Variants in SHANK2 observed in about 807,000 individuals in gnomAD.
SHANK2 encodes SH3 and multiple ankyrin repeat domains protein 2.
SHANK2 carries 43 observed loss-of-function variants against 133.7 expected under a neutral mutation model. The ratio of observed to expected loss-of-function variants is 0.32; its 90% CI spans 0.25 to 0.41. The LOEUF (loss-of-function observed/expected upper bound fraction) is 0.41. SHANK2 is among the 10% of genes least tolerant of loss of function. The probability of loss-of-function intolerance (pLI) is 1.00; values close to 1 mark genes in which losing one functional copy is unlikely to be tolerated. For synonymous variants in SHANK2, 1,017 were observed against 952.8 expected (o/e 1.07, Z -1.24); for missense variants, 1,994 against 2,235.8 (o/e 0.89, Z 2.18).
At chr11:71,079,557 G>T (rs1024954139) in intron 8 of SHANK2, among the ~76,000 whole-genome samples, 62 of 151,926 alleles carry the variant, frequency 4.1e-4, no homozygotes, top group Non-Finnish European at 8.2e-4. Context: ...TCAGGAGATC[G>T]AGACCATCCT....
intron 8 of SHANK2, among the ~76,000 whole-genome samples, chr11:71,085,582 A>ACATAT (rs1951371506): frequency 1.1e-3 from 39 of 34,934 alleles, no homozygotes; most frequent in South Asian, 2.4e-3. Flanking sequence ...ATATTATATA[A>ACATAT]TATATTATAT....
At chr11:71,101,219 C>A (rs1951711886) in intron 6 of SHANK2, among the ~76,000 whole-genome samples, 1 of 152,182 alleles carries the variant, frequency 6.6e-6, no homozygotes, top group Admixed American at 6.5e-5. Flanking sequence ...TGTCCCCGAC[C>A]CCAAGACAGG....
In SHANK2 at chr11:70,915,876, C is replaced by T. The variant is rs181557362; in HGVS notation, c.1108-19309G>A. On this transcript the variant is annotated intron_variant, in intron 10 of 25. Coordinates refer to ENST00000601538, the MANE Select transcript of SHANK2 (RefSeq NM_012309.5). ...GACTTATGACACTCAGGCACAACATCATTTTTTTCTCATTCTAAACACTGT... is the reference window on the plus strand; with the variant it reads ...GACTTATGACACTCAGGCACAACATTATTTTTTTCTCATTCTAAACACTGT... 3.5e-4 allele frequency among the ~76,000 whole-genome samples: 54 copies of T among 152,296 alleles called. 1 individual carries two copies. In the East Asian group the frequency reaches 5.2e-3, roughly 15 times the overall value.
intron 6 of SHANK2, among the ~76,000 whole-genome samples, chr11:71,099,808 T>C (rs1555096312): frequency 6.6e-6 from 1 of 152,192 alleles, no homozygotes; most frequent in Non-Finnish European, 1.5e-5. Flanking sequence ...ATTGCAGCAC[T>C]TTGGGAGCCA....
intron 20 of SHANK2, among the ~76,000 whole-genome samples, chr11:70,501,277 A>G (rs1343153277): frequency 1.3e-5 from 2 of 152,142 alleles, no homozygotes; most frequent in African/African-American, 4.8e-5. Flanking sequence ...CCGAGGAAGG[A>G]TGACATCACT....
intron 17 of SHANK2, among the ~76,000 whole-genome samples, chr11:70,592,374 G>A (rs1212953605): frequency 6.6e-6 from 1 of 152,218 alleles, no homozygotes; most frequent in African/African-American, 2.4e-5. Flanking sequence ...CTCGGAGTGA[G>A]AGGCAGGACT....
intron 2 of SHANK2, among the ~76,000 whole-genome samples, chr11:71,148,845 T>G (rs1952705845): frequency 6.6e-6 from 1 of 152,186 alleles, no homozygotes; most frequent in Non-Finnish European, 1.5e-5. Context: ...AGATAAAGGC[T>G]GGAAAGATGC....
chr11:71,175,512 C>G lies in SHANK2; in HGVS notation c.-12-28174G>C. Among the ~76,000 whole-genome samples, 1 of 135,992 alleles carries G rather than the reference C, an allele frequency of 7.4e-6. No individual in the cohort carries two copies. Among genetic ancestry groups the G allele is most frequent in the Non-Finnish European group, 1.5e-5 (1 of 65,562 alleles). 89.2% of individuals were successfully genotyped at this position (135,992 alleles called of 152,430 possible). ...AGTGGGGACAAAAAAGGCAGAGGGG[C>G]AGAAACAGACAGACAGACAGACAGA... On this transcript the variant is annotated intron_variant, in intron 2 of 25. Coordinates refer to ENST00000601538, the MANE Select transcript of SHANK2 (RefSeq NM_012309.5). The surrounding 1 kb of genome is among the most constrained non-coding windows in gnomAD (Gnocchi z 4.2).
intron 10 of SHANK2, among the ~76,000 whole-genome samples, chr11:70,948,617 C>T (rs940661583): frequency 6.6e-6 from 1 of 152,220 alleles, no homozygotes; most frequent in Non-Finnish European, 1.5e-5. Flanking sequence ...CAACTGCGTG[C>T]CCTCAGCAGG....
In SHANK2 at chr11:70,544,631, C is replaced by T. The variant is rs181891718; in HGVS notation, c.2062-41700G>A. On this transcript the variant is annotated intron_variant, in intron 17 of 25. Coordinates refer to ENST00000601538, the MANE Select transcript of SHANK2 (RefSeq NM_012309.5). ...CCCATCCCAACACCCCCTCCCTGGC[C>T]TGGACCAGCAGATGGACTTGGGACC... 1.7e-3 allele frequency among the ~76,000 whole-genome samples: 253 copies of T among 152,364 alleles called. 1 individual carries two copies. The highest frequency in any genetic ancestry group is 5.7e-3 in the African/African-American group (238 of 41,588).
chr11:71,068,967 C>T (rs1270193573), intron 9 of SHANK2, among the ~76,000 whole-genome samples: 1 of 151,350 alleles, frequency 6.6e-6, no homozygotes, highest in African/African-American at 2.4e-5. Context: ...ACCATGACCA[C>T]CCTCACCACC....
intron 2 of SHANK2, among the ~76,000 whole-genome samples, chr11:71,152,935 A>C (rs1952825208): frequency 6.6e-6 from 1 of 152,218 alleles, no homozygotes; most frequent in Non-Finnish European, 1.5e-5. Context: ...CAGAAGGCGC[A>C]AGTCCCATCT....
chr11:71,091,124 A>C (rs575229177), intron 8 of SHANK2, among the ~76,000 whole-genome samples: 14 of 152,354 alleles, frequency 9.2e-5, no homozygotes, highest in African/African-American at 3.1e-4. Context: ...TTTCATAAAG[A>C]AAAGCACAAT....
At chr11:70,727,459 G>A (rs1329211213) in intron 14 of SHANK2, among the ~76,000 whole-genome samples, 2 of 152,214 alleles carry the variant, frequency 1.3e-5, no homozygotes, top group Non-Finnish European at 2.9e-5. Flanking sequence ...TGGCAACTAA[G>A]GTGGTAGGTA....
intron 17 of SHANK2, among the ~76,000 whole-genome samples, chr11:70,558,181 AG>A (rs1176352839): frequency 6.6e-6 from 1 of 152,066 alleles, no homozygotes; most frequent in Non-Finnish European, 1.5e-5. Context: ...GAGGTGTGCG[AG>A]GGGGAGCCCC....
intron 9 of SHANK2, among the ~76,000 whole-genome samples, chr11:71,061,927 C>T (rs947155710): frequency 4.6e-5 from 7 of 152,072 alleles, no homozygotes; most frequent in Non-Finnish European, 1.0e-4. Flanking sequence ...TCAAATCACC[C>T]CCAGTGGGAT....
At chr11:70,594,712 G>A (rs2060374185) in intron 17 of SHANK2, among the ~76,000 whole-genome samples, 1 of 152,150 alleles carries the variant, frequency 6.6e-6, no homozygotes, top group Non-Finnish European at 1.5e-5. Context: ...CGTGAACCTC[G>A]AAATGTCACT....
chr11:71,223,279 C>T (rs976888317), intron 2 of SHANK2, among the ~76,000 whole-genome samples: 13 of 152,296 alleles, frequency 8.5e-5, no homozygotes, highest in Non-Finnish European at 1.6e-4. Context: ...CGTTTAGGAC[C>T]CCAGGGTGTG....
chr11:70,503,259 T>C (rs990820756), intron 17 of SHANK2, among the ~76,000 whole-genome samples: 2 of 152,102 alleles, frequency 1.3e-5, no homozygotes, highest in Non-Finnish European at 2.9e-5. Context: ...GTGCTTACTT[T>C]TACAGGCCTG....
Sources: allele counts gnomAD v4.1 joint callset (sites outside exome capture counted in the v4.1 genomes callset), GRCh38; gene constraint gnomAD v4.1.1; non-coding constraint Gnocchi (gnomAD v3.1); transcripts MANE v1.5; gene names NCBI Gene and HGNC (gene_info 2026-07-23, HGNC 2026-07-21).